ZNF652: variants seen among roughly 807,000 people sequenced by gnomAD.
ZNF652 encodes the protein zinc finger protein 652.
A neutral mutation model predicts 45.2 loss-of-function variants in ZNF652; 16 were observed. The ratio of observed to expected loss-of-function variants is 0.35; its 90% CI spans 0.24 to 0.54. ZNF652 has a LOEUF of 0.54. Ranked by LOEUF, ZNF652 falls within the 20% of genes least tolerant of loss-of-function variation. ZNF652 has a pLI of 0.91. For synonymous variants in ZNF652, 250 were observed against 260.6 expected (o/e 0.96, Z 0.39); for missense variants, 614 against 765.6 (o/e 0.80, Z 2.34).
intron 1 of ZNF652, among the ~76,000 whole-genome samples, chr17:49,338,145 A>ATT (rs772870388): frequency 8.4e-5 from 12 of 142,446 alleles, no homozygotes; most frequent in African/African-American, 1.0e-4. Flanking sequence ...TGCCTGGCTA[A>ATT]TTTTTTTTTT....
chr17:49,340,722 A>C (rs1391259008), intron 1 of ZNF652, among the ~76,000 whole-genome samples: 1 of 151,972 alleles, frequency 6.6e-6, no homozygotes, highest in Non-Finnish European at 1.5e-5. Context: ...TCAGCCTGAG[A>C]AACATGGCAA....
chr17:49,327,039 CTG>C (rs1481189439), intron 1 of ZNF652, among the ~76,000 whole-genome samples: 1 of 152,118 alleles, frequency 6.6e-6, no homozygotes, highest in Non-Finnish European at 1.5e-5. Flanking sequence ...GGCCAAGAAA[CTG>C]TACTAAAAAA....
intron 1 of ZNF652, among the ~76,000 whole-genome samples, chr17:49,352,095 C>T (rs1176248684): frequency 6.6e-6 from 1 of 152,186 alleles, no homozygotes; most frequent in Non-Finnish European, 1.5e-5. Flanking sequence ...TTTTAGCTTA[C>T]AGATATAACA....
chr17:49,333,183 G>A lies in ZNF652; in HGVS notation c.-258-15200C>T, dbSNP rs563897053. Among the ~76,000 whole-genome samples the A allele has an allele frequency of 3.1e-4, 47 of 151,036 alleles. 1 individual carries two copies. The South Asian group carries it at 6.5e-3, about 21-fold the overall frequency. ...CGCCATTCTCCTGCCTCAGCCTCCC[G>A]AGTAGCTGGGACTACAGGTGCCTGT... On this transcript the variant is annotated intron_variant, in intron 1 of 5. Transcript: ENST00000430262.
At chr17:49,359,031 T>G (rs1434955201) in intron 1 of ZNF652, among the ~76,000 whole-genome samples, 1 of 152,230 alleles carries the variant, frequency 6.6e-6, no homozygotes, top group African/African-American at 2.4e-5. Context: ...TATGATCAGC[T>G]GCTCTATGAT....
rs2069812272 is a variant in ZNF652, at chr17:49,316,868, C to T, written c.858G>A (p.Glu286=). The T allele has an allele frequency of 4.3e-6, 7 of 1,614,058 alleles. No homozygotes were observed. The highest frequency in any genetic ancestry group is 5.9e-6 in the Non-Finnish European group (7 of 1,179,980). The change falls in exon 2 of 6, where the codon GAG becomes GAA. Residue 286 remains glutamate (E), a synonymous_variant. Coordinates refer to ENST00000430262, the MANE Select transcript of ZNF652 (RefSeq NM_001145365.3). ...AGTCTGTTTGCTGGTGAAGGGACAG[C>T]TCACTTTCCAGGACAAACTTCTTGC... ...KCGKKFVLES[E]LSLHQQTDCE...
At chr17:49,304,758 G>A (rs2069603817) in intron 5 of ZNF652, among the ~76,000 whole-genome samples, 1 of 152,016 alleles carries the variant, frequency 6.6e-6, no homozygotes, top group African/African-American at 2.4e-5. Context: ...AGAGAAGATA[G>A]AAAAGAGCAA....
rs974848314 is a variant in ZNF652 at position 49,293,553 on chromosome 17, ATTCT to A, written c.*4856_*4859del. On this transcript the variant is annotated 3_prime_UTR_variant, in exon 6 of 6. Transcript: ENST00000430262. The stretch of plus-strand genomic sequence containing the variant: ...TAGTGTCCAGGGTTGGAAGGTCATC[ATTCT>A]TTATTGTAAGTGCTACAGATGACAA... 6.6e-6 allele frequency among the ~76,000 whole-genome samples: 1 copy of A among 150,484 alleles called. No individual in the cohort carries two copies. The highest frequency in any genetic ancestry group is 2.4e-5 in the African/African-American group (1 of 40,818).
chr17:49,326,242 A>T (rs2069954993), intron 1 of ZNF652, among the ~76,000 whole-genome samples: 1 of 51,300 alleles, frequency 1.9e-5, no homozygotes, highest in Non-Finnish European at 3.8e-5. Flanking sequence ...CCCCATCTCT[A>T]AAAAAAAAAA....
intron 1 of ZNF652, among the ~76,000 whole-genome samples, chr17:49,321,835 G>GATAAT (rs2069897578): frequency 6.6e-6 from 1 of 152,202 alleles, no homozygotes; most frequent in South Asian, 2.1e-4. Context: ...TATACCATAA[G>GATAAT]AGCTAGCAGC....
intron 2 of ZNF652, 103 bp from the exon 3 acceptor site, chr17:49,312,948 C>T: frequency 8.7e-7 from 1 of 1,146,842 alleles, no homozygotes; most frequent in Non-Finnish European, 1.2e-6. Flanking sequence ...GGCACAAGGC[C>T]AGAATCCAGA....
intron 1 of ZNF652, among the ~76,000 whole-genome samples, chr17:49,345,484 A>C (rs909921806): frequency 1.3e-5 from 2 of 149,950 alleles, no homozygotes. Flanking sequence ...TTACAGGCGT[A>C]AGCCACCGCG....
intron 1 of ZNF652, among the ~76,000 whole-genome samples, chr17:49,350,358 G>A (rs1303418520): frequency 6.6e-6 from 1 of 151,950 alleles, no homozygotes; most frequent in East Asian, 1.9e-4. Context: ...GGCCAACATG[G>A]CAAAATCCTG....
In ZNF652 at chr17:49,317,103, C is replaced by G; in HGVS notation, c.623G>C (p.Arg208Thr). 6.2e-7 allele frequency: 1 copy of G among 1,614,098 alleles called. No individual in the cohort carries two copies. The change falls in exon 2 of 6, where the codon AGA (arginine) becomes ACA (threonine). Residue 208 changes from arginine (R) to threonine (T), a missense_variant. By Grantham distance (71) the Arg-to-Thr change is moderately conservative. This residue lies in a region of ZNF652 where 262 missense variants were observed against 306.3 expected (regional missense o/e 0.86). Transcript: ENST00000430262. Reference sequence around the variant, plus strand: ...ACTCTTCCTACGACCTCTTGTAGTTCTGGGAGTAGGGGAAGTGGTAGCTGC... The same window carrying G: ...ACTCTTCCTACGACCTCTTGTAGTTGTGGGAGTAGGGGAAGTGGTAGCTGC... ...VAAATTSPTP[R>T]TTRGRRKSVE...
intron 1 of ZNF652, among the ~76,000 whole-genome samples, chr17:49,327,804 G>C: frequency 7.6e-6 from 1 of 131,840 alleles, no homozygotes. Flanking sequence ...TTTTAGTAGA[G>C]ATAGGGTTTC....
At chr17:49,330,257 T>C (rs2070008728) in intron 1 of ZNF652, among the ~76,000 whole-genome samples, 1 of 152,130 alleles carries the variant, frequency 6.6e-6, no homozygotes, top group Non-Finnish European at 1.5e-5. Context: ...AAGGTCACTA[T>C]ATGGAATGCA....
chr17:49,327,186 G>A (rs569305475), intron 1 of ZNF652, among the ~76,000 whole-genome samples: 18 of 151,878 alleles, frequency 1.2e-4, no homozygotes, highest in African/African-American at 3.4e-4. Context: ...TTCACGAGAC[G>A]GAGTCTAGCT....
intron 1 of ZNF652, among the ~76,000 whole-genome samples, chr17:49,330,627 G>A (rs1221765519): frequency 6.6e-6 from 1 of 151,898 alleles, no homozygotes; most frequent in African/African-American, 2.4e-5. Flanking sequence ...AGGTTTACAG[G>A]TGTTTACAGG....
In ZNF652 at chr17:49,289,393, T is replaced by C. The variant is rs1347825844; in HGVS notation, c.*9020A>G. The C allele has an allele frequency of 6.6e-6, 1 of 152,238 alleles. No individual in the cohort carries two copies. Among genetic ancestry groups the C allele is most frequent in the Non-Finnish European group, 1.5e-5 (1 of 68,040 alleles). The allele number at this position is 152,238 out of a possible 1,614,324, so 9.4% of individuals were successfully genotyped here. Reference sequence around the variant, plus strand: ...ACACAAAAAAGTAGTTTTAACAATCTATAAATTTTTTATACTTAAAATCAT... The same window carrying C: ...ACACAAAAAAGTAGTTTTAACAATCCATAAATTTTTTATACTTAAAATCAT... On this transcript the variant is annotated 3_prime_UTR_variant, in exon 6 of 6. Coordinates refer to ENST00000430262, the MANE Select transcript of ZNF652 (RefSeq NM_001145365.3).
Sources: gnomAD v4.1 joint callset for allele counts (sites outside exome capture counted in the v4.1 genomes callset) on GRCh38, gnomAD v4.1.1 for gene constraint, gnomAD v4.1.1 regional missense constraint, MANE v1.5 for transcripts, NCBI Gene and HGNC (gene_info 2026-07-23, HGNC 2026-07-21) for gene names.